MYO1D: variants seen among roughly 807,000 people sequenced by gnomAD.
MYO1D encodes the protein myosin ID.
A neutral mutation model predicts 122.0 loss-of-function variants in MYO1D; 83 were observed. The observed-to-expected ratio is 0.68, with a 90% CI of 0.57 to 0.82. MYO1D has a LOEUF of 0.82. Among genes scored for constraint, MYO1D ranks in the 40% least tolerant of loss-of-function variants. The pLI is 0.00. For missense variants in MYO1D, 1,157 were observed against 1,269.5 expected (o/e 0.91, Z 1.35); for synonymous variants, 464 against 446.9 (o/e 1.04, Z -0.48).
chr17:32,675,692 T>G (rs2088797168), intron 16 of MYO1D, among the ~76,000 whole-genome samples: 1 of 152,194 alleles, frequency 6.6e-6, no homozygotes, highest in Non-Finnish European at 1.5e-5. Flanking sequence ...GGGTTTCTAT[T>G]TTATTAATTT....
intron 19 of MYO1D, among the ~76,000 whole-genome samples, chr17:32,646,352 C>T (rs2088294156): frequency 6.6e-6 from 1 of 151,982 alleles, no homozygotes; most frequent in South Asian, 2.1e-4. Flanking sequence ...ATAGCTAATC[C>T]CAGCTACTTG....
intron 15 of MYO1D, among the ~76,000 whole-genome samples, chr17:32,714,335 CCT>C (rs2089415987): frequency 6.7e-6 from 1 of 149,602 alleles, no homozygotes; most frequent in Non-Finnish European, 1.5e-5. Context: ...GTTTTCTGTT[CCT>C]CTGTTAGTCT....
chr17:32,597,890 A>G (rs2087516246), intron 21 of MYO1D, among the ~76,000 whole-genome samples: 1 of 151,136 alleles, frequency 6.6e-6, no homozygotes, highest in Non-Finnish European at 1.5e-5. Flanking sequence ...AAAAAAAAAA[A>G]AAGAAATCTC....
chr17:32,800,680 G>T (rs948597088), intron 1 of MYO1D, among the ~76,000 whole-genome samples: 1 of 152,058 alleles, frequency 6.6e-6, no homozygotes, highest in Non-Finnish European at 1.5e-5. Context: ...ATAGCTAAAG[G>T]AGCTATTTGT....
chr17:32,619,916 A>C (rs980544942), intron 20 of MYO1D, among the ~76,000 whole-genome samples: 1 of 152,196 alleles, frequency 6.6e-6, no homozygotes, highest in Non-Finnish European at 1.5e-5. Context: ...AGATATGATG[A>C]GTGATTTTGT....
chr17:32,648,988 G>T (rs569888912), intron 19 of MYO1D, among the ~76,000 whole-genome samples: 41 of 151,948 alleles, frequency 2.7e-4, no homozygotes, highest in African/African-American at 9.4e-4. Flanking sequence ...TACAGAATAC[G>T]TTTATAACAT....
chr17:32,651,019 T>C (rs2088380661), intron 19 of MYO1D, among the ~76,000 whole-genome samples: 1 of 152,216 alleles, frequency 6.6e-6, no homozygotes, highest in Admixed American at 6.5e-5. Context: ...AAAAATTTTT[T>C]GGCTTTGTTC....
intron 21 of MYO1D, among the ~76,000 whole-genome samples, chr17:32,571,602 C>T (rs953337413): frequency 6.6e-6 from 1 of 151,952 alleles, no homozygotes; most frequent in Non-Finnish European, 1.5e-5. Context: ...AGGAAGTAGC[C>T]ATTTCTTTGG....
intron 19 of MYO1D, among the ~76,000 whole-genome samples, chr17:32,649,551 C>T (rs1456892397): frequency 6.7e-6 from 1 of 149,676 alleles, no homozygotes; most frequent in Non-Finnish European, 1.5e-5. Context: ...ATGGCTAAAC[C>T]ACATTTTCTT....
At chr17:32,778,865 TA>T (rs141575504) in intron 2 of MYO1D, among the ~76,000 whole-genome samples, 2,217 of 152,284 alleles carry the variant, frequency 0.015, 43 homozygotes, top group African/African-American at 0.048. Context: ...AAACTAAGAC[TA>T]AAGTTTTAGT....
intron 8 of MYO1D, 127 bp from the exon 9 acceptor site, chr17:32,760,754 G>T: frequency 1.0e-6 from 1 of 962,536 alleles, no homozygotes; most frequent in Non-Finnish European, 1.5e-6. Flanking sequence ...GGCCTCAGCA[G>T]AACAAATGAA....
At chr17:32,625,397 G>C (rs1281998293) in intron 20 of MYO1D, among the ~76,000 whole-genome samples, 1 of 152,090 alleles carries the variant, frequency 6.6e-6, no homozygotes, top group Non-Finnish European at 1.5e-5. Context: ...TGCGCTAGTG[G>C]TCAACTTCTC....
Position 32,755,572 on chromosome 17 carries a change from C to A in MYO1D, c.1387G>T (p.Val463Phe), listed in dbSNP as rs2089938938. 1 of 1,613,866 alleles carries A rather than the reference C, an allele frequency of 6.2e-7. No homozygotes were observed. Among genetic ancestry groups the A allele is most frequent in the South Asian group, 1.1e-5 (1 of 91,074 alleles). ...IAILDDACMN[V>F]GKVTDEMFLE... The stretch of plus-strand genomic sequence containing the variant: ...AACATTTCATCGGTGACTTTGCCGA[C>A]ATTCATGCAAGCATCATCAAGGATT... The change falls in exon 11 of 22, where the codon GTC (valine) becomes TTC (phenylalanine). Residue 463 changes from valine to phenylalanine, a missense_variant. Coordinates refer to ENST00000318217, the MANE Select transcript of MYO1D (RefSeq NM_015194.3).
At chr17:32,712,559 C>T (rs776032578) in intron 15 of MYO1D, among the ~76,000 whole-genome samples, 10 of 151,926 alleles carry the variant, frequency 6.6e-5, no homozygotes, top group Non-Finnish European at 8.8e-5. Context: ...GAGGTCTAGT[C>T]GACATAGTGA....
intron 14 of MYO1D, among the ~76,000 whole-genome samples, chr17:32,730,223 C>T (rs1244748783): frequency 2.6e-5 from 4 of 151,094 alleles, no homozygotes; most frequent in Non-Finnish European, 5.9e-5. Context: ...GTATTTTTAA[C>T]TCATCAGAGT....
chr17:32,738,530 A>AAT, intron 13 of MYO1D, 145 bp from the exon 14 acceptor site: 2 of 836,008 alleles, frequency 2.4e-6, no homozygotes, highest in Non-Finnish European at 3.4e-6. Flanking sequence ...TGATGATTCC[A>AAT]TCCAGAAAAT....
chr17:32,548,192 C>T (rs2086980876), intron 21 of MYO1D, among the ~76,000 whole-genome samples: 1 of 151,668 alleles, frequency 6.6e-6, no homozygotes, highest in African/African-American at 2.4e-5. Flanking sequence ...CTGAGGTGGG[C>T]AGATTGCTTG....
intron 1 of MYO1D, among the ~76,000 whole-genome samples, chr17:32,797,244 C>T (rs112916054): frequency 0.14 from 21,358 of 152,302 alleles, 1,922 homozygotes; most frequent in Middle Eastern, 0.25. Context: ...GCTGGGATTA[C>T]AGGCGTAAGC....
intron 1 of MYO1D, among the ~76,000 whole-genome samples, chr17:32,825,201 A>G (rs557305664): frequency 7.2e-4 from 110 of 152,346 alleles, no homozygotes; most frequent in Non-Finnish European, 1.3e-3. Context: ...TACTACTACA[A>G]CAAAAATTTC....
Sources: allele counts gnomAD v4.1 joint callset (sites outside exome capture counted in the v4.1 genomes callset), GRCh38; gene constraint gnomAD v4.1.1; transcripts MANE v1.5; gene names NCBI Gene and HGNC (gene_info 2026-07-23, HGNC 2026-07-21).